RBFOX1: variants seen among roughly 807,000 people sequenced by gnomAD.
RBFOX1 encodes RNA binding protein fox-1 homolog 1.
Under a neutral mutation model 57.7 loss-of-function variants are expected in RBFOX1, and 8 were observed. The observed-to-expected ratio is 0.14, with a 90% CI of 0.08 to 0.25. The LOEUF is 0.25. Ranked by LOEUF, RBFOX1 falls within the 10% of genes least tolerant of loss-of-function variation. The pLI, the probability that RBFOX1 is intolerant of heterozygous loss-of-function variation, is 1.00. For missense variants in RBFOX1, 611 were observed against 548.5 expected, an observed-to-expected ratio of 1.11 and a Z score of -1.14; for synonymous variants, 326 against 222.4, an observed-to-expected ratio of 1.47 and a Z score of -4.15.
chr16:6,462,688 T>C (rs4786871), intron 2 of RBFOX1, among the ~76,000 whole-genome samples: 70,941 of 149,710 alleles, frequency 0.47, 17,353 homozygotes, highest in East Asian at 0.79. Context: ...AATATTACCA[T>C]GTTTTTACCC....
intron 3 of RBFOX1, among the ~76,000 whole-genome samples, chr16:6,911,323 C>T (rs60990425): frequency 2.6e-5 from 4 of 152,002 alleles, no homozygotes; most frequent in Admixed American, 2.6e-4. Context: ...TTTTGCCTTA[C>T]ACTTGTGGAG....
In RBFOX1 at chr16:6,497,161, G is replaced by C. The variant is rs146696596; in HGVS notation, c.-63-157442G>C. Among the ~76,000 whole-genome samples the C allele has an allele frequency of 5.9e-3, 903 of 152,250 alleles. 4 individuals carry two copies. The highest frequency in any genetic ancestry group is 0.048 in the Middle Eastern group (14 of 294). ...TTACATTGCTAACATGGAGTGGACT[G>C]GGAACTTGGCAACAGGCCGACTAAA... On this transcript the variant is annotated intron_variant, in intron 2 of 15. Coordinates refer to ENST00000550418, the MANE Select transcript of RBFOX1 (RefSeq NM_018723.4).
At chr16:7,210,229 T>C (rs184015658) in intron 4 of RBFOX1, among the ~76,000 whole-genome samples, 67 of 152,258 alleles carry the variant, frequency 4.4e-4, no homozygotes, top group Admixed American at 6.5e-4. Flanking sequence ...GGTTAAGAGA[T>C]TTATTGCAAG....
intron 4 of RBFOX1, among the ~76,000 whole-genome samples, chr16:7,408,019 C>T (rs1042336398): frequency 2.0e-5 from 3 of 152,104 alleles, no homozygotes; most frequent in African/African-American, 7.2e-5. Flanking sequence ...TGGCTCTTTA[C>T]AGAAAAAAAG....
intron 1 of RBFOX1, among the ~76,000 whole-genome samples, chr16:6,252,157 C>T (rs139402980): frequency 1.3e-5 from 2 of 151,998 alleles, no homozygotes; most frequent in Non-Finnish European, 2.9e-5. Context: ...TTTATCTGTA[C>T]CTGTCTTTGG....
chr16:7,665,217 A>G (rs1288316887), intron 13 of RBFOX1, among the ~76,000 whole-genome samples: 3 of 152,154 alleles, frequency 2.0e-5, no homozygotes, highest in African/African-American at 7.2e-5. Context: ...TCCCCCAAAA[A>G]GGTGGCATTT....
At chr16:5,533,627 C>T (rs1220860977) in intron 2 of RBFOX1, among the ~76,000 whole-genome samples, 6 of 152,182 alleles carry the variant, frequency 3.9e-5, no homozygotes, top group Non-Finnish European at 8.8e-5. Context: ...GATATTATCA[C>T]TCCTGATGAA....
rs568141638 is a variant in RBFOX1, at chr16:6,572,067, G to A, written c.-63-82536G>A. Among the ~76,000 whole-genome samples the A allele has an allele frequency of 1.5e-4, 23 of 152,230 alleles. No individual in the cohort carries two copies. The South Asian group carries it at 4.8e-3, about 32-fold the overall frequency. ...AATATACATGAAATAATAAAAAGTG[G>A]ATTTTTCTGCCAATACACACTTAGC... On this transcript the variant is annotated intron_variant, in intron 2 of 15. Transcript: ENST00000550418.
chr16:6,133,864 A>C (rs1254726054), intron 1 of RBFOX1, among the ~76,000 whole-genome samples: 4 of 151,886 alleles, frequency 2.6e-5, no homozygotes, highest in African/African-American at 9.7e-5. Context: ...TACCTAGTCT[A>C]CTTCTAAATT....
intron 4 of RBFOX1, among the ~76,000 whole-genome samples, chr16:7,104,984 T>C (rs2063324664): frequency 6.6e-6 from 1 of 152,162 alleles, no homozygotes; most frequent in South Asian, 2.1e-4. Context: ...TGTGTCTTTA[T>C]GTTTCTCAGC....
intron 1 of RBFOX1, among the ~76,000 whole-genome samples, chr16:6,309,501 G>A (rs764586379): frequency 3.3e-5 from 5 of 152,160 alleles, no homozygotes; most frequent in Non-Finnish European, 5.9e-5. Flanking sequence ...ACAGGGAAGC[G>A]GAGCTGGTGG....
At chr16:7,270,882 A>G (rs2095303465) in intron 4 of RBFOX1, among the ~76,000 whole-genome samples, 3 of 152,148 alleles carry the variant, frequency 2.0e-5, no homozygotes, top group Admixed American at 6.5e-5. Flanking sequence ...ATTTTAATGA[A>G]AATCCTTTCT....
chr16:7,457,102 G>C (rs1364067677), intron 4 of RBFOX1, among the ~76,000 whole-genome samples: 1 of 152,048 alleles, frequency 6.6e-6, no homozygotes, highest in Non-Finnish European at 1.5e-5. Context: ...GGTCAGGCTG[G>C]TCTCGAACTC....
At chr16:5,295,757 A>G (rs12925735) in intron 1 of RBFOX1, among the ~76,000 whole-genome samples, 29,424 of 152,088 alleles carry the variant, frequency 0.19, 2,871 homozygotes, top group East Asian at 0.22. Context: ...CATATGCCAT[A>G]TTCTCTTGGT....
At chr16:6,460,210 TTCTC>T in intron 2 of RBFOX1, among the ~76,000 whole-genome samples, 2 of 152,008 alleles carry the variant, frequency 1.3e-5, no homozygotes, top group East Asian at 3.9e-4. Flanking sequence ...GTTCCATTGG[TTCTC>T]TCTCCTTGGC....
At chr16:7,323,490 C>T (rs534869999) in intron 4 of RBFOX1, among the ~76,000 whole-genome samples, 20 of 152,224 alleles carry the variant, frequency 1.3e-4, no homozygotes, top group Admixed American at 2.6e-4. Flanking sequence ...TAATCCATAT[C>T]GCATTCAAAA....
intron 2 of RBFOX1, among the ~76,000 whole-genome samples, chr16:6,332,009 C>T (rs923617444): frequency 9.9e-5 from 15 of 152,106 alleles, no homozygotes; most frequent in Admixed American, 1.3e-4. Context: ...AAGAAACAAG[C>T]GATGCCTGCA....
chr16:6,614,675 C>G (rs1367254076), intron 2 of RBFOX1, among the ~76,000 whole-genome samples: 1 of 152,054 alleles, frequency 6.6e-6, no homozygotes, highest in Non-Finnish European at 1.5e-5. Flanking sequence ...AGTGATTTGC[C>G]CCACAGTCTT....
chr16:6,551,926 A>G (rs2096997292), intron 2 of RBFOX1, among the ~76,000 whole-genome samples: 2 of 152,172 alleles, frequency 1.3e-5, no homozygotes, highest in South Asian at 4.1e-4. Flanking sequence ...TACTCTTTAA[A>G]TTTTTGAGAG....
Sources: gnomAD v4.1 joint callset for allele counts (sites outside exome capture counted in the v4.1 genomes callset) on GRCh38, gnomAD v4.1.1 for gene constraint, MANE v1.5 for transcripts, NCBI Gene and HGNC (gene_info 2026-07-23, HGNC 2026-07-21) for gene names.